Variants in AGPS observed in about 807,000 individuals in gnomAD.
AGPS encodes alkylglycerone phosphate synthase.
A neutral mutation model predicts 90.7 loss-of-function variants in AGPS; 26 were observed. The observed-to-expected ratio is 0.29, with a 90% CI of 0.21 to 0.40. The LOEUF (loss-of-function observed/expected upper bound fraction) is 0.40. Ranked by LOEUF, AGPS falls within the 10% of genes least tolerant of loss-of-function variation. The pLI is 1.00. For missense variants in AGPS, 540 were observed against 816.1 expected (o/e 0.66, Z 4.12); for synonymous variants, 294 against 285.3 (o/e 1.03, Z -0.31).
At chr2:177,401,554 T>TC (rs1685330250) in intron 1 of AGPS, among the ~76,000 whole-genome samples, 1 of 151,896 alleles carries the variant, frequency 6.6e-6, no homozygotes, top group Admixed American at 6.6e-5. Context: ...TTAATTTTTT[T>TC]TTTTTTTTGC....
chr2:177,442,368 A>T, intron 6 of AGPS, 39 bp from the exon 7 acceptor site: 1 of 1,464,226 alleles, frequency 6.8e-7, no homozygotes, highest in South Asian at 1.1e-5. Context: ...TAAAAACAGA[A>T]TATTTAAACA....
chr2:177,494,788 T>C (rs1688366279), intron 12 of AGPS, among the ~76,000 whole-genome samples: 1 of 152,214 alleles, frequency 6.6e-6, no homozygotes, highest in Non-Finnish European at 1.5e-5. Context: ...AAAGTGATCC[T>C]TTTGAAATAC....
chr2:177,434,898 AAAG>A (rs1379028312), intron 3 of AGPS, among the ~76,000 whole-genome samples: 18 of 150,952 alleles, frequency 1.2e-4, no homozygotes, highest in African/African-American at 4.4e-4. Flanking sequence ...AGAATTATAA[AAAG>A]TAAAAATTTG....
At chr2:177,514,591 C>G (rs1322058770) in intron 17 of AGPS, among the ~76,000 whole-genome samples, 1 of 152,014 alleles carries the variant, frequency 6.6e-6, no homozygotes, top group African/African-American at 2.4e-5. Flanking sequence ...ATTTGTTTTC[C>G]AAGACTAGAA....
chr2:177,498,457 G>T (rs1048292922), intron 13 of AGPS, among the ~76,000 whole-genome samples: 2 of 150,702 alleles, frequency 1.3e-5, no homozygotes, highest in Non-Finnish European at 3.0e-5. Context: ...TCCCAGTCAG[G>T]CATCTCCTTT....
intron 2 of AGPS, among the ~76,000 whole-genome samples, chr2:177,432,178 T>C (rs776067337): frequency 6.6e-6 from 1 of 152,234 alleles, no homozygotes; most frequent in Non-Finnish European, 1.5e-5. Context: ...TTTCTTTCCA[T>C]GTAGAATGAT....
At chr2:177,414,961 A>C (rs922481683) in intron 1 of AGPS, among the ~76,000 whole-genome samples, 2 of 149,928 alleles carry the variant, frequency 1.3e-5, no homozygotes, top group Non-Finnish European at 3.0e-5. Flanking sequence ...ATGCATTATA[A>C]ATAATATATC....
At position 177,470,811 on chromosome 2, in the gene AGPS, A is replaced by G. The variant is rs143642663; in HGVS notation, c.1105+2287A>G. Among the ~76,000 whole-genome samples, 381 of 152,284 alleles carry G rather than the reference A, an allele frequency of 2.5e-3. 4 individuals are homozygous for G. Among genetic ancestry groups the G allele is most frequent in the African/African-American group, 8.8e-3 (364 of 41,556 alleles). On this transcript the variant is annotated intron_variant, in intron 10 of 19. Transcript: ENST00000264167. ...TATTACAAAGTACATGCAACATAGC[A>G]TACTGATAAAAGAGCATGAACCATG... is the stretch of plus-strand genomic sequence containing the variant.
At chr2:177,466,605 C>T (rs770900391) in intron 9 of AGPS, among the ~76,000 whole-genome samples, 39 of 152,246 alleles carry the variant, frequency 2.6e-4, no homozygotes, top group Non-Finnish European at 4.4e-4. Context: ...CTTATCCTCC[C>T]TTCTGTGCTC....
intron 1 of AGPS, among the ~76,000 whole-genome samples, chr2:177,395,501 A>G (rs1043964424): frequency 6.6e-6 from 1 of 152,250 alleles, no homozygotes; most frequent in Non-Finnish European, 1.5e-5. Context: ...AACTTGTATT[A>G]GATGACACAT....
At chr2:177,447,916 C>T (rs1470778078) in intron 8 of AGPS, among the ~76,000 whole-genome samples, 1 of 152,100 alleles carries the variant, frequency 6.6e-6, no homozygotes, top group Admixed American at 6.5e-5. Context: ...AGTTGGGTAG[C>T]ACAGATTTTA....
At chr2:177,412,918 C>T (rs760993303) in intron 1 of AGPS, among the ~76,000 whole-genome samples, 3 of 152,092 alleles carry the variant, frequency 2.0e-5, no homozygotes, top group Non-Finnish European at 2.9e-5. Context: ...TTAGCCCGAT[C>T]GGGAGTGGCA....
At chr2:177,426,101 C>G (rs754990933) in intron 2 of AGPS, among the ~76,000 whole-genome samples, 11 of 152,080 alleles carry the variant, frequency 7.2e-5, no homozygotes, top group Non-Finnish European at 1.6e-4. Context: ...TTGAAGAGGT[C>G]CTTCATTTCC....
At chr2:177,520,977 T>C (rs550239180) in intron 17 of AGPS, among the ~76,000 whole-genome samples, 1 of 152,358 alleles carries the variant, frequency 6.6e-6, no homozygotes, top group Non-Finnish European at 1.5e-5. Context: ...ATAGAAGTTT[T>C]AGTAACATGG....
chr2:177,516,943 A>G (rs749050000), intron 17 of AGPS, among the ~76,000 whole-genome samples: 14 of 152,084 alleles, frequency 9.2e-5, no homozygotes, highest in Non-Finnish European at 1.3e-4. Flanking sequence ...ATGAGGGTGA[A>G]TTAACACTAG....
chr2:177,482,207 A>G, intron 11 of AGPS, 21 bp downstream of exon 11: 1 of 1,255,706 alleles, frequency 8.0e-7, no homozygotes, highest in Non-Finnish European at 1.1e-6. Context: ...AAATATATAT[A>G]TATACATACA....
At chr2:177,457,741 T>G (rs893707143) in intron 8 of AGPS, among the ~76,000 whole-genome samples, 6 of 152,184 alleles carry the variant, frequency 3.9e-5, no homozygotes, top group African/African-American at 1.4e-4. Context: ...CACAGCTGAA[T>G]TCTACCAGAG....
At chr2:177,470,034 G>A (rs1687565885) in intron 10 of AGPS, among the ~76,000 whole-genome samples, 1 of 152,196 alleles carries the variant, frequency 6.6e-6, no homozygotes, top group Non-Finnish European at 1.5e-5. Context: ...CATACCTAAA[G>A]TGGTCTTTGA....
At chr2:177,506,567 A>T (rs192991178) in intron 15 of AGPS, among the ~76,000 whole-genome samples, 3 of 152,054 alleles carry the variant, frequency 2.0e-5, no homozygotes, top group African/African-American at 7.2e-5. Context: ...GGCTGAATTA[A>T]TATGTTCTCA....
Sources: allele counts gnomAD v4.1 joint callset (sites outside exome capture counted in the v4.1 genomes callset), GRCh38; gene constraint gnomAD v4.1.1; transcripts MANE v1.5; gene names NCBI Gene and HGNC (gene_info 2026-07-23, HGNC 2026-07-21).